The following MED23 variants were observed in gnomAD, a reference collection of about 807,000 sequenced individuals.
The protein encoded by MED23 is mediator complex subunit 23.
In MED23, 105 loss-of-function variants were observed where a neutral mutation model predicts 163.9. The ratio of observed to expected loss-of-function variants is 0.64; its 90% confidence interval spans 0.55 to 0.75. The LOEUF is 0.75. Among genes scored for constraint, MED23 ranks in the 30% least tolerant of loss-of-function variants. The probability of loss-of-function intolerance (pLI) is 0.00; values close to 1 mark genes in which losing one functional copy is unlikely to be tolerated. For synonymous variants in MED23, 561 were observed against 565.6 expected, an observed-to-expected ratio of 0.99 and a Z score of 0.12; for missense variants, 1,054 against 1,649.0, an observed-to-expected ratio of 0.64 and a Z score of 6.25.
rs757615658 is a variant in MED23, at chr6:131,596,176, G to C, written c.2779-13C>G. The C allele has an allele frequency of 1.2e-6, 2 of 1,609,396 alleles. No individual in the cohort carries two copies. Among genetic ancestry groups the C allele is most frequent in the Non-Finnish European group, 1.7e-6 (2 of 1,175,728 alleles). ...TCTCTGGATATTTCTGTGGAATTGA[G>C]AAGATGATAAATGGTTAGAGCATTT... On this transcript the variant is annotated splice_polypyrimidine_tract_variant and intron_variant, in intron 21 of 28. Transcript: ENST00000368068.
At chr6:131,627,346 A>T in intron 3 of MED23, 50 bp downstream of exon 3, 1 of 1,310,418 alleles carries the variant, frequency 7.6e-7, no homozygotes, top group Non-Finnish European at 1.1e-6. Flanking sequence ...AAAAAAAAAA[A>T]GAAGAGGCCA....
At chr6:131,602,478 CT>C (rs1775556903) in intron 16 of MED23, 97 bp from the exon 17 acceptor site, 7 of 1,100,930 alleles carry the variant, frequency 6.4e-6, no homozygotes, top group Non-Finnish European at 9.1e-6. Flanking sequence ...CAATCTATGA[CT>C]ATCCCTTCTT....
intron 23 of MED23, 126 bp downstream of exon 23, chr6:131,593,973 G>A (rs1774849038): frequency 1.4e-6 from 1 of 733,082 alleles, no homozygotes; most frequent in Admixed American, 2.6e-5. Flanking sequence ...AGATGAAAAT[G>A]GAAGTGATCT....
At position 131,587,224 on chromosome 6, in the gene MED23, A is replaced by C; in HGVS notation, c.*455T>G. 9.4e-7 allele frequency: 1 copy of C among 1,062,670 alleles called. No individual in the cohort carries two copies. Among genetic ancestry groups the C allele is most frequent in the Non-Finnish European group, 1.2e-6 (1 of 863,748 alleles). 65.8% of individuals were successfully genotyped at this position (1,062,670 alleles called of 1,614,324 possible). ...ATTCCTTTTCTTGATATAAATCTCT[A>C]TTATTCTGAAAATCTACCAAGAGAT... On this transcript the variant is annotated 3_prime_UTR_variant, in exon 29 of 29. Coordinates refer to ENST00000368068, the MANE Select transcript of MED23 (RefSeq NM_004830.4).
chr6:131,604,790 G>A (rs1031709641), intron 14 of MED23, among the ~76,000 whole-genome samples: 9 of 152,168 alleles, frequency 5.9e-5, no homozygotes, highest in Non-Finnish European at 1.2e-4. Flanking sequence ...AAAGAGCATA[G>A]CTCTACCAGG....
rs528723925 is a variant in MED23, at chr6:131,627,946, G to A, written c.39+65C>T. The A allele has an allele frequency of 6.8e-6, 11 of 1,606,674 alleles. No individual in the cohort carries two copies. In the Admixed American group the frequency reaches 1.7e-4, roughly 24 times the overall value. On this transcript the variant is annotated intron_variant, in intron 1 of 28. Coordinates refer to ENST00000368068, the MANE Select transcript of MED23 (RefSeq NM_004830.4). Reference sequence around the variant, plus strand: ...GAGGTTGCCCAGGCCAGTTTCCTTGGTCGGCTGCCCCCGCGTCTCCCCGTC... The same window carrying A: ...GAGGTTGCCCAGGCCAGTTTCCTTGATCGGCTGCCCCCGCGTCTCCCCGTC...
intron 30 of MED23, chr6:131,574,392 A>G: frequency 7.1e-7 from 1 of 1,403,232 alleles, no homozygotes. Context: ...ATCCTCCAAA[A>G]GTCTCTCCCA....
At chr6:131,615,066 C>CAAAAAAAAAAAAAAAAAAAAAAAA (rs5880072) in intron 10 of MED23, among the ~76,000 whole-genome samples, 1 of 68,242 alleles carries the variant, frequency 1.5e-5, no homozygotes, top group African/African-American at 5.4e-5. Context: ...TCTTTGTTAC[C>CAAAAAAAAAAAAAAAAAAAAAAAA]AAAAAAAAAA....
At chr6:131,583,552 C>T (rs572074133), downstream of MED23, 25 of 1,470,376 alleles carry the variant, frequency 1.7e-5, no homozygotes, top group African/African-American at 3.4e-4. Context: ...TATATTTATA[C>T]CTCCTTGACC....
In MED23 at chr6:131,608,072, C is replaced by A. The variant is rs1195043998; in HGVS notation, c.1078-1G>T. Reference sequence around the variant, plus strand: ...CTTTAATCAGTCCTCGCCCTGCTAACTATAAAAGATGTTTAAATACACATG... The same window carrying A: ...CTTTAATCAGTCCTCGCCCTGCTAAATATAAAAGATGTTTAAATACACATG... On this transcript the variant is annotated splice_acceptor_variant, in intron 11 of 28. Coordinates refer to ENST00000368068, the MANE Select transcript of MED23 (RefSeq NM_004830.4). LOFTEE classifies it high-confidence loss of function. 3 of 1,613,590 alleles carry A rather than the reference C, an allele frequency of 1.9e-6. No individual in the cohort carries two copies.
chr6:131,628,294 C>CA (rs1218575041), upstream of MED23: 4 of 551,882 alleles, frequency 7.2e-6, no homozygotes, highest in Non-Finnish European at 1.3e-5. Flanking sequence ...CCAGCGGCGC[C>CA]ACCAGAAGGT....
chr6:131,620,283 T>C (rs1249628070), intron 7 of MED23, among the ~76,000 whole-genome samples: 2 of 152,214 alleles, frequency 1.3e-5, no homozygotes, highest in African/African-American at 4.8e-5. Context: ...CTGTTTTTTA[T>C]AAAATACCCT....
chr6:131,603,282 G>A (rs192790737), intron 15 of MED23, 78 bp from the exon 16 acceptor site: 16 of 1,355,186 alleles, frequency 1.2e-5, no homozygotes, highest in Admixed American at 6.8e-5. Context: ...GTCACATTGA[G>A]TAAAATATAA....
chr6:131,605,218 C>T, intron 14 of MED23, 22 bp downstream of exon 14: 4 of 1,612,210 alleles, frequency 2.5e-6, no homozygotes, highest in Non-Finnish European at 3.4e-6. Context: ...GACATGGAAC[C>T]AAATTAATAA....
At chr6:131,590,907 G>A (rs1177126852) in intron 26 of MED23, among the ~76,000 whole-genome samples, 4 of 151,256 alleles carry the variant, frequency 2.6e-5, no homozygotes, top group South Asian at 4.2e-4. Context: ...ATGAGTCACC[G>A]CGCCCAGCCG....
Position 131,623,380 on chromosome 6 carries a change from G to A in MED23, c.367C>T (p.Arg123Trp), listed in dbSNP as rs374403178. 5.1e-5 allele frequency: 83 copies of A among 1,613,598 alleles called. No homozygotes were observed. The highest frequency in any genetic ancestry group is 1.6e-4 in the East Asian group (7 of 44,868). Residue 123 changes from arginine to tryptophan, a missense_variant, in exon 5 of 29, where the codon CGG becomes TGG. Physicochemically the swap from Arg to Trp is moderately radical, Grantham distance 101. Coordinates refer to ENST00000368068, the MANE Select transcript of MED23 (RefSeq NM_004830.4). ...TAATCCACTCCCCCAATTATTTTCC[G>A]AACCAGTTTAAATGTTAAGGCCCAA... ...QLWALTFKLV[R>W]KIIGGVDYKG...
chr6:131,627,533 TAC>T (rs763895551), intron 2 of MED23, 50 bp from the exon 3 acceptor site: 2 of 1,590,612 alleles, frequency 1.3e-6, no homozygotes, highest in Non-Finnish European at 1.7e-6. Context: ...AAAAGGTAAT[TAC>T]ACACAATCAG....
At chr6:131,582,962 G>A (rs1774011180), downstream of MED23, 14 of 913,840 alleles carry the variant, frequency 1.5e-5, 1 homozygote, top group South Asian at 1.6e-4. Context: ...GAACCTAAAT[G>A]TTTTATATAT....
chr6:131,615,242 C>T (rs926222920), intron 10 of MED23: 45 of 1,516,158 alleles, frequency 3.0e-5, no homozygotes, highest in Middle Eastern at 3.4e-4. Context: ...CGACCATACA[C>T]GTATTCTCTA....
Sources: gnomAD v4.1 joint callset for allele counts (sites outside exome capture counted in the v4.1 genomes callset) on GRCh38, gnomAD v4.1.1 for gene constraint, MANE v1.5 for transcripts, NCBI Gene and HGNC (gene_info 2026-07-23, HGNC 2026-07-21) for gene names.